Variants in PLD4 observed in about 807,000 individuals in gnomAD.
PLD4 encodes the protein phospholipase D family member 4.
Under a neutral mutation model 52.3 loss-of-function variants are expected in PLD4, and 54 were observed. The observed-to-expected ratio is 1.03, with a 90% confidence interval of 0.83 to 1.30. PLD4 has a LOEUF of 1.30. PLD4 is among the 50% of genes most tolerant of loss of function. The pLI is 0.00. For missense variants in PLD4, 731 were observed against 671.1 expected (o/e 1.09, Z -0.99); for synonymous variants, 264 against 286.5 (o/e 0.92, Z 0.79).
intron 6 of PLD4, 123 bp from the exon 7 acceptor site, chr14:104,930,619 C>T (rs1460448128): frequency 5.9e-6 from 6 of 1,014,634 alleles, no homozygotes. Flanking sequence ...GCAATGCTTC[C>T]CGCAAGTGGG....
At chr14:104,927,391 C>T (rs1427616048) in intron 2 of PLD4, among the ~76,000 whole-genome samples, 161 bp downstream of exon 2, 1 of 152,184 alleles carries the variant, frequency 6.6e-6, no homozygotes, top group Non-Finnish European at 1.5e-5. Flanking sequence ...TCCAGACCTT[C>T]CCTTTATGCC....
rs1327184944 is a variant in PLD4, at chr14:104,932,860, G to T, written c.1417G>T (p.Val473Leu). 6.2e-7 allele frequency: 1 copy of T among 1,605,146 alleles called. No homozygotes were observed. Among genetic ancestry groups the T allele is most frequent in the South Asian group, 1.1e-5 (1 of 89,578 alleles). The change falls in exon 11 of 11, where the codon GTG becomes TTG. Residue 473 changes from valine (V) to leucine (L), a missense_variant. Transcript: ENST00000392593. This position sits in a 1 kb window ranked among gnomAD's most constrained non-coding sequence, Gnocchi z 6.5. Reference sequence around the variant, plus strand: ...TGGCGCGCAGCCCGCGGGGGCCACGGTGCAGGAGCAGCTGCGGCAGCTCTT... The same window carrying T: ...TGGCGCGCAGCCCGCGGGGGCCACGTTGCAGGAGCAGCTGCGGCAGCTCTT... ...SPGAQPAGAT[V>L]QEQLRQLFER... is the part of the protein sequence containing the mutation.
At position 104,933,100 on chromosome 14, in the gene PLD4, C is replaced by G; in HGVS notation, c.*136C>G. ...CAGGAGCCGCCTGCGACCGCCCGGG[C>G]GTCGCAAACCGCCCGCCTGCTCTCT... On this transcript the variant is annotated 3_prime_UTR_variant, in exon 11 of 11. Transcript: ENST00000392593. 7.1e-6 allele frequency: 7 copies of G among 982,078 alleles called. No individual in the cohort carries two copies. The highest frequency in any genetic ancestry group is 9.9e-6 in the Non-Finnish European group (7 of 706,948). 60.8% of individuals were successfully genotyped at this position (982,078 alleles called of 1,614,324 possible). A position where few individuals can be genotyped will look rare whatever the true frequency, so the allele number is the denominator to read the frequency against.
intron 4 of PLD4, 174 bp from the exon 5 acceptor site, chr14:104,929,133 C>A: frequency 8.1e-7 from 1 of 1,233,950 alleles, no homozygotes; most frequent in Non-Finnish European, 1.1e-6. Context: ...TGACTAAACA[C>A]TCAGACTGTG....
chr14:104,937,334 T>C (rs1327214672), downstream of PLD4: 1 of 152,160 alleles, frequency 6.6e-6, no homozygotes. Flanking sequence ...GCGTGTACAT[T>C]AGGGGACTCA....
intron 2 of PLD4, 85 bp downstream of exon 2, chr14:104,927,315 A>G (rs1311376005): frequency 8.3e-7 from 1 of 1,202,248 alleles, no homozygotes; most frequent in South Asian, 1.5e-5. Context: ...GGTCACAAGC[A>G]GCCTTGAGGG....
chr14:104,931,837 T>C lies in PLD4; in HGVS notation c.1008T>C (p.Tyr336=). The change falls in exon 8 of 11, where the codon TAT becomes TAC. Residue 336 remains tyrosine, a synonymous_variant. Coordinates refer to ENST00000392593, the MANE Select transcript of PLD4 (RefSeq NM_138790.5). ...AVMGSAQEFI[Y]ASVMEYFPTT... ...TGGGGAGCGCCCAGGAGTTCATCTATGCCTCCGTGATGGAGTATTTCCCCA... is the reference window on the plus strand; with the variant it reads ...TGGGGAGCGCCCAGGAGTTCATCTACGCCTCCGTGATGGAGTATTTCCCCA... 1 of 1,567,842 alleles carries C rather than the reference T, an allele frequency of 6.4e-7. No homozygotes were observed. The highest frequency in any genetic ancestry group is 8.7e-7 in the Non-Finnish European group (1 of 1,155,544).
At position 104,933,067 on chromosome 14, in the gene PLD4, C is replaced by T; in HGVS notation, c.*103C>T. On this transcript the variant is annotated 3_prime_UTR_variant, in exon 11 of 11. Coordinates refer to ENST00000392593, the MANE Select transcript of PLD4 (RefSeq NM_138790.5). ...TCCTCCCGCAAGCAGCCCGGGTCCG[C>T]ACTGCGCCAGGAGCCGCCTGCGACC... 7.5e-7 allele frequency: 1 copy of T among 1,332,534 alleles called. No homozygotes were observed. The highest frequency in any genetic ancestry group is 9.8e-7 in the Non-Finnish European group (1 of 1,016,626). The allele number at this position is 1,332,534 out of a possible 1,614,324, so 82.5% of individuals were successfully genotyped here. A position where few individuals can be genotyped will look rare whatever the true frequency, so the allele number is the denominator to read the frequency against.
Position 104,933,188 on chromosome 14 carries a change from T to G in PLD4, c.*224T>G. 1 of 520,388 alleles carries G rather than the reference T, an allele frequency of 1.9e-6. No homozygotes were observed. Among genetic ancestry groups the G allele is most frequent in the Non-Finnish European group, 3.3e-6 (1 of 300,764 alleles). The allele number at this position is 520,388 out of a possible 1,614,324, so 32.2% of individuals were successfully genotyped here. On this transcript the variant is annotated 3_prime_UTR_variant, in exon 11 of 11. Coordinates refer to ENST00000392593, the MANE Select transcript of PLD4 (RefSeq NM_138790.5). ...CCAGGGAGCCCTCCAGGAAGCCCCT[T>G]CCCTGACTCCTGGCCCACAGGCCAG...
At chr14:104,931,984 G>A (rs765063111) in intron 8 of PLD4, 28 bp from the exon 9 acceptor site, 6 of 1,547,886 alleles carry the variant, frequency 3.9e-6, no homozygotes, top group Non-Finnish European at 8.7e-7. Context: ...CGGCTTGTAA[G>A]CAGAGCCCCG....
chr14:104,933,851 G>A (rs1595384053), downstream of PLD4: 1 of 32,140 alleles, frequency 3.1e-5, no homozygotes, highest in African/African-American at 2.0e-4. Flanking sequence ...GACCGGGAGG[G>A]CGGGAGGCGA....
chr14:104,927,580 G>C, intron 2 of PLD4, 93 bp from the exon 3 acceptor site: 1 of 1,360,470 alleles, frequency 7.4e-7, no homozygotes, highest in Non-Finnish European at 9.8e-7. Context: ...AAGTCAAGAC[G>C]GTCTCTGTCT....
Position 104,932,894 on chromosome 14 carries a change from A to G in PLD4, c.1451A>G (p.Asp484Gly). The G allele has an allele frequency of 6.2e-7, 1 of 1,603,474 alleles. No homozygotes were observed. Among genetic ancestry groups the G allele is most frequent in the South Asian group, 1.1e-5 (1 of 89,412 alleles). ...QEQLRQLFER[D>G]WSSRYAVGLD... ...CAGCTGCGGCAGCTCTTTGAGCGGGACTGGAGTTCGCGCTACGCCGTCGGC... is the reference window on the plus strand; with the variant it reads ...CAGCTGCGGCAGCTCTTTGAGCGGGGCTGGAGTTCGCGCTACGCCGTCGGC... The change falls in exon 11 of 11, where the codon GAC becomes GGC. Residue 484 changes from aspartate to glycine, a missense_variant. Coordinates refer to ENST00000392593, the MANE Select transcript of PLD4 (RefSeq NM_138790.5). This position sits in a 1 kb window ranked among gnomAD's most constrained non-coding sequence, Gnocchi z 6.5.
rs1198295279 is a variant in PLD4 at position 104,927,066 on chromosome 14, C to T, written c.1-75C>T. ...TGTCTGTGCAGGGGTGTCCCCAGTG[C>T]CCAGCTGCCCAGGCACTGAGGGGCA... On this transcript the variant is annotated intron_variant, in intron 1 of 10. Coordinates refer to ENST00000392593, the MANE Select transcript of PLD4 (RefSeq NM_138790.5). 26 of 1,386,650 alleles carry T rather than the reference C, an allele frequency of 1.9e-5. No homozygotes were observed. In the South Asian group the frequency reaches 3.5e-4, roughly 19 times the overall value. The allele number at this position is 1,386,650 out of a possible 1,614,324, so 85.9% of individuals were successfully genotyped here.
intron 8 of PLD4, 51 bp from the exon 9 acceptor site, chr14:104,931,961 C>T: frequency 6.5e-7 from 1 of 1,529,524 alleles, no homozygotes; most frequent in Non-Finnish European, 8.8e-7. Context: ...CCTGCTGGGA[C>T]CCCTATCGGG....
In PLD4 at chr14:104,928,804, T is replaced by C. The variant is rs756672177; in HGVS notation, c.340T>C (p.Ser114Pro). 2 of 1,610,480 alleles carry C rather than the reference T, an allele frequency of 1.2e-6. No homozygotes were observed. Among genetic ancestry groups the C allele is most frequent in the Non-Finnish European group, 1.7e-6 (2 of 1,178,206 alleles). ...QDLPSAAGSP[S>P]AQPLGQAWLQ... ...CCTGCCATCTGCAGCCGGCAGCCCC[T>C]CTGCCCAGCCTCTGGGCCAGGCCTG... The change falls in exon 4 of 11, where the codon TCT (serine) becomes CCT (proline). Residue 114 changes from serine (S) to proline (P), a missense_variant. Ser to Pro is a moderately conservative substitution (Grantham distance 74, BLOSUM62 -1). Transcript: ENST00000392593.
chr14:104,929,840 T>A, intron 5 of PLD4, 138 bp from the exon 6 acceptor site: 6 of 1,006,598 alleles, frequency 6.0e-6, no homozygotes, highest in Non-Finnish European at 8.8e-6. Flanking sequence ...AAAATGGGGA[T>A]GAGGATAGCA....
At chr14:104,931,285 G>A (rs1450433893) in intron 7 of PLD4, among the ~76,000 whole-genome samples, 1 of 152,202 alleles carries the variant, frequency 6.6e-6, no homozygotes, top group Non-Finnish European at 1.5e-5. Context: ...CACTGGAGAG[G>A]GAGGGGAACC....
At chr14:104,935,542 G>A (rs1289345736), downstream of PLD4, 1 of 152,314 alleles carries the variant, frequency 6.6e-6, no homozygotes, top group Non-Finnish European at 1.5e-5. Flanking sequence ...TGGTATGCAT[G>A]CCCTTGTGTG....
Sources: gnomAD v4.1 joint callset for allele counts (sites outside exome capture counted in the v4.1 genomes callset) on GRCh38, gnomAD v4.1.1 for gene constraint, Gnocchi (gnomAD v3.1) non-coding constraint, MANE v1.5 for transcripts, NCBI Gene and HGNC (gene_info 2026-07-23, HGNC 2026-07-21) for gene names.